The following PTPN12 variants were observed in gnomAD, a reference collection of about 807,000 sequenced individuals.
PTPN12 encodes the protein tyrosine-protein phosphatase non-receptor type 12.
Under a neutral mutation model 97.6 loss-of-function variants are expected in PTPN12, and 29 were observed. That is an observed-to-expected ratio of 0.30 (90% CI 0.22 to 0.41). The LOEUF (loss-of-function observed/expected upper bound fraction) is 0.41. PTPN12 is among the 10% of genes least tolerant of loss of function. The pLI is 1.00. For synonymous variants in PTPN12, 327 were observed against 300.4 expected (o/e 1.09, Z -0.91); for missense variants, 819 against 926.0 (o/e 0.88, Z 1.50).
intron 4 of PTPN12, chr7:77,585,126 A>G (rs555783093): frequency 6.5e-6 from 1 of 152,760 alleles, no homozygotes; most frequent in African/African-American, 2.4e-5. Context: ...ATAAAATGGG[A>G]AAAAGCAGGT....
chr7:77,557,992 C>G (rs979645234), intron 1 of PTPN12, among the ~76,000 whole-genome samples: 1 of 151,988 alleles, frequency 6.6e-6, no homozygotes, highest in African/African-American at 2.4e-5. Flanking sequence ...GGGCAGATCA[C>G]GTGAGCTCAG....
chr7:77,571,033 A>G, intron 1 of PTPN12, 45 bp from the exon 2 acceptor site: 6 of 1,317,934 alleles, frequency 4.6e-6, no homozygotes, highest in Non-Finnish European at 6.2e-6. Flanking sequence ...ATTTGAAAAT[A>G]TCACTGTTTC....
chr7:77,596,950 T>C (rs1235812293), intron 6 of PTPN12, among the ~76,000 whole-genome samples: 1 of 152,202 alleles, frequency 6.6e-6, no homozygotes, highest in Non-Finnish European at 1.5e-5. Flanking sequence ...TTTGAAGAAA[T>C]ATATGATGAC....
At chr7:77,624,681 C>T (rs1465704967) in intron 12 of PTPN12, among the ~76,000 whole-genome samples, 3 of 151,294 alleles carry the variant, frequency 2.0e-5, no homozygotes, top group Admixed American at 1.3e-4. Flanking sequence ...TCTTGTGATC[C>T]GCCTGCCTTG....
intron 13 of PTPN12, among the ~76,000 whole-genome samples, chr7:77,630,809 T>C (rs1789372459): frequency 6.6e-6 from 1 of 152,198 alleles, no homozygotes; most frequent in Admixed American, 6.5e-5. Context: ...CCATACAGTG[T>C]ATGATTTGCA....
rs758510288 is a variant in PTPN12 at position 77,635,764 on chromosome 7, A to G, written c.2075-18A>G. The G allele has an allele frequency of 1.3e-6, 2 of 1,547,934 alleles. No individual in the cohort carries two copies. The highest frequency in any genetic ancestry group is 1.8e-6 in the Non-Finnish European group (2 of 1,137,508). On this transcript the variant is annotated intron_variant, in intron 14 of 17. Transcript: ENST00000248594. The stretch of plus-strand genomic sequence containing the variant: ...GAAATTCAAGGTGTTAATAACAATA[A>G]GATTTCATTTTTCTCAGATACACCT...
rs1806702039 is a variant in PTPN12, at chr7:77,537,370, C to G, written c.-177C>G. On this transcript the variant is annotated 5_prime_UTR_variant, in exon 1 of 18. Transcript: ENST00000248594. ...GAAGTTGTGGTGTCGGGAGCCCAGCCGGTGCCGCCGCAGCCGCCGCCTAGG... is the reference window on the plus strand; with the variant it reads ...GAAGTTGTGGTGTCGGGAGCCCAGCGGGTGCCGCCGCAGCCGCCGCCTAGG... 1.3e-6 allele frequency: 1 copy of G among 749,918 alleles called. No individual in the cohort carries two copies. The highest frequency in any genetic ancestry group is 1.8e-6 in the Non-Finnish European group (1 of 548,504). 46.5% of individuals were successfully genotyped at this position (749,918 alleles called of 1,614,324 possible). A position where few individuals can be genotyped will look rare whatever the true frequency, so the allele number is the denominator to read the frequency against.
At chr7:77,560,851 T>G (rs1318073447) in intron 1 of PTPN12, among the ~76,000 whole-genome samples, 1 of 151,812 alleles carries the variant, frequency 6.6e-6, no homozygotes, top group Non-Finnish European at 1.5e-5. Context: ...ATGCTCCTGC[T>G]GTGAACATGG....
At chr7:77,546,850 C>T (rs1053288269) in intron 1 of PTPN12, among the ~76,000 whole-genome samples, 2 of 152,158 alleles carry the variant, frequency 1.3e-5, no homozygotes, top group African/African-American at 4.8e-5. Context: ...ATGGGAGGAA[C>T]TACCAAACAT....
chr7:77,581,366 C>A (rs540417051), intron 2 of PTPN12, 61 bp from the exon 3 acceptor site: 2 of 1,121,454 alleles, frequency 1.8e-6, no homozygotes, highest in African/African-American at 3.2e-5. Flanking sequence ...ACCTTACTTA[C>A]GCTTCATTAG....
intron 9 of PTPN12, among the ~76,000 whole-genome samples, chr7:77,607,556 G>C (rs1788416453): frequency 1.3e-5 from 2 of 152,128 alleles, no homozygotes; most frequent in Non-Finnish European, 2.9e-5. Flanking sequence ...AACATAGGGA[G>C]ACCCCCGTCT....
At chr7:77,624,650 A>G (rs992812524) in intron 12 of PTPN12, among the ~76,000 whole-genome samples, 21 of 149,156 alleles carry the variant, frequency 1.4e-4, no homozygotes, top group African/African-American at 4.7e-4. Flanking sequence ...CATGTTGGTT[A>G]GGCTGGTCTC....
intron 1 of PTPN12, chr7:77,545,792 A>T (rs1435080697): frequency 1.3e-5 from 2 of 151,768 alleles, no homozygotes; most frequent in African/African-American, 4.8e-5. Flanking sequence ...AAACTTCTAT[A>T]CTCTGGTATG....
chr7:77,587,066 C>T (rs374391402), intron 5 of PTPN12, among the ~76,000 whole-genome samples: 11 of 151,680 alleles, frequency 7.3e-5, no homozygotes, highest in East Asian at 5.8e-4. Flanking sequence ...TTTCCAAACT[C>T]GTGTTAATCT....
intron 1 of PTPN12, among the ~76,000 whole-genome samples, chr7:77,542,876 A>G (rs949293442): frequency 6.6e-6 from 1 of 152,214 alleles, no homozygotes; most frequent in East Asian, 1.9e-4. Context: ...TTAAAGATGT[A>G]GGCATCATAA....
chr7:77,605,748 T>C (rs964102896), intron 8 of PTPN12, among the ~76,000 whole-genome samples: 3 of 151,832 alleles, frequency 2.0e-5, no homozygotes, highest in Non-Finnish European at 4.4e-5. Flanking sequence ...AAAAAACCTA[T>C]GGTATGTTAC....
At chr7:77,618,771 G>A (rs1323989976) in intron 12 of PTPN12, among the ~76,000 whole-genome samples, 1 of 152,148 alleles carries the variant, frequency 6.6e-6, no homozygotes, top group East Asian at 1.9e-4. Flanking sequence ...ATAATATACT[G>A]TAGCAGAATG....
chr7:77,569,531 A>T (rs1212643259), intron 1 of PTPN12, among the ~76,000 whole-genome samples: 1 of 152,026 alleles, frequency 6.6e-6, no homozygotes, highest in Non-Finnish European at 1.5e-5. Flanking sequence ...AGCACTTTGG[A>T]AGGCTGAGGC....
At chr7:77,557,220 A>G (rs1317052584) in intron 1 of PTPN12, among the ~76,000 whole-genome samples, 1 of 151,732 alleles carries the variant, frequency 6.6e-6, no homozygotes, top group Non-Finnish European at 1.5e-5. Context: ...TCCCGCTTCC[A>G]CCTCCCAGAG....
Sources: gnomAD v4.1 joint callset for allele counts (sites outside exome capture counted in the v4.1 genomes callset) on GRCh38, gnomAD v4.1.1 for gene constraint, MANE v1.5 for transcripts, NCBI Gene and HGNC (gene_info 2026-07-23, HGNC 2026-07-21) for gene names.